Variants in IL1RAPL1 observed in about 807,000 individuals in gnomAD.
IL1RAPL1 encodes interleukin-1 receptor accessory protein-like 1.
IL1RAPL1 carries 3 observed loss-of-function variants against 48.4 expected under a neutral mutation model. The observed-to-expected ratio is 0.06, with a 90% CI of 0.03 to 0.16. The LOEUF is 0.16. Among genes scored for constraint, IL1RAPL1 ranks in the 10% least tolerant of loss-of-function variants. The pLI, the probability that IL1RAPL1 is intolerant of heterozygous loss-of-function variation, is 1.00. For missense variants in IL1RAPL1, 349 were observed against 530.6 expected (o/e 0.66, Z 3.36); for synonymous variants, 185 against 187.7 (o/e 0.99, Z 0.12).
At chrX:28,859,493 C>T (rs1601934458) in intron 2 of IL1RAPL1, among the ~76,000 whole-genome samples, 2 of 111,054 alleles carry the variant, frequency 1.8e-5, no homozygotes, top group Admixed American at 9.7e-5. Flanking sequence ...CTCTTGACCT[C>T]GTGATCTGCC....
At chrX:29,054,899 A>G (rs1450772414) in intron 2 of IL1RAPL1, among the ~76,000 whole-genome samples, 1 of 112,210 alleles carries the variant, frequency 8.9e-6, no homozygotes, top group Non-Finnish European at 1.9e-5. Context: ...CACAATACTT[A>G]ATAGGACATT....
intron 5 of IL1RAPL1, among the ~76,000 whole-genome samples, chrX:29,508,116 A>C (rs1935355345): frequency 8.9e-6 from 1 of 111,806 alleles, no homozygotes; most frequent in Non-Finnish European, 1.9e-5. Flanking sequence ...TTAATACTTA[A>C]AAACATTATC....
chrX:28,952,083 C>T (rs767800176), intron 2 of IL1RAPL1, among the ~76,000 whole-genome samples: 3 of 110,537 alleles, frequency 2.7e-5, no homozygotes, highest in South Asian at 7.6e-4. Flanking sequence ...AAATAGGTAC[C>T]GTAGAGAATT....
At chrX:29,186,181 G>T (rs903874189) in intron 2 of IL1RAPL1, among the ~76,000 whole-genome samples, 2 of 111,851 alleles carry the variant, frequency 1.8e-5, no homozygotes, top group African/African-American at 6.5e-5. Context: ...CTATAAAAAT[G>T]AATGATGATC....
intron 1 of IL1RAPL1, among the ~76,000 whole-genome samples, chrX:28,785,501 A>G (rs1193069350): frequency 9.0e-6 from 1 of 111,490 alleles, no homozygotes; most frequent in Admixed American, 9.5e-5. Context: ...TGCTTATTTT[A>G]CCCAGTATTT....
intron 6 of IL1RAPL1, among the ~76,000 whole-genome samples, chrX:29,689,075 G>C (rs1926709345): frequency 1.8e-5 from 2 of 111,616 alleles, no homozygotes; most frequent in Non-Finnish European, 3.8e-5. Context: ...TTTGTCAAGA[G>C]TTGATTCACC....
intron 1 of IL1RAPL1, among the ~76,000 whole-genome samples, chrX:28,704,850 CTG>C (rs1210521980): frequency 1.9e-4 from 10 of 53,530 alleles, no homozygotes; most frequent in Non-Finnish European, 2.2e-4. Context: ...AAAAAAAAAA[CTG>C]TGACTGGAGC....
chrX:29,802,783 GTGTGTGTGTATA>G lies in IL1RAPL1; in HGVS notation c.779-114679_779-114668del, dbSNP rs796286499. Among the ~76,000 whole-genome samples the G allele has an allele frequency of 2.1e-3, 40 of 19,280 alleles. 1 individual carries two copies. The highest frequency in any genetic ancestry group is 3.1e-3 in the East Asian group (1 of 319). 16.7% of individuals were successfully genotyped at this position (19,280 alleles called of 115,157 possible). ...TATATATATATATATATATATATAT[GTGTGTGTGTATA>G]TATATATATATATATGTGTGTATAT... On this transcript the variant is annotated intron_variant, in intron 6 of 10. Transcript: ENST00000378993.
At chrX:28,941,762 G>T (rs914452102) in intron 2 of IL1RAPL1, among the ~76,000 whole-genome samples, 1 of 110,839 alleles carries the variant, frequency 9.0e-6, no homozygotes. Context: ...ATAGATGTCC[G>T]TTTTATCTCT....
In IL1RAPL1 at chrX:28,988,139, CT is replaced by C. The variant is rs66658449; in HGVS notation, c.82+198723del. Among the ~76,000 whole-genome samples, 393 of 108,124 alleles carry C rather than the reference CT, an allele frequency of 3.6e-3. 3 individuals carry two copies. Among genetic ancestry groups the C allele is most frequent in the African/African-American group, 0.012 (359 of 29,708 alleles). The allele number at this position is 108,124 out of a possible 115,157, so 93.9% of individuals were successfully genotyped here. ...TACACTCTCCTTGTCAATGGGCTTG[CT>C]TTTTTTTTAACTACGAATGGAGTGA... is the stretch of plus-strand genomic sequence containing the variant. On this transcript the variant is annotated intron_variant, in intron 2 of 10. Transcript: ENST00000378993.
chrX:28,747,680 A>G (rs1935995809), intron 1 of IL1RAPL1, among the ~76,000 whole-genome samples: 2 of 112,102 alleles, frequency 1.8e-5, no homozygotes, highest in Admixed American at 1.9e-4. Flanking sequence ...TGTATTCTAT[A>G]TATAATATTC....
chrX:28,777,761 C>T (rs1422828329), intron 1 of IL1RAPL1, among the ~76,000 whole-genome samples: 3 of 110,298 alleles, frequency 2.7e-5, no homozygotes, highest in African/African-American at 9.9e-5. Flanking sequence ...CAGCCATGCC[C>T]CAGATTATTT....
At chrX:29,383,896 G>A (rs1249537124) in intron 3 of IL1RAPL1, among the ~76,000 whole-genome samples, 1 of 111,629 alleles carries the variant, frequency 9.0e-6, no homozygotes, top group East Asian at 2.8e-4. Flanking sequence ...CCTGTTTTTG[G>A]CTTTAGATAC....
At chrX:29,472,134 T>C (rs1485191605) in intron 5 of IL1RAPL1, among the ~76,000 whole-genome samples, 3 of 111,999 alleles carry the variant, frequency 2.7e-5, no homozygotes, top group South Asian at 3.7e-4. Flanking sequence ...TCACCAGTGA[T>C]GGCTATACAA....
chrX:29,240,606 T>C (rs1931406579), intron 2 of IL1RAPL1, among the ~76,000 whole-genome samples: 1 of 111,300 alleles, frequency 9.0e-6, no homozygotes, highest in Non-Finnish European at 1.9e-5. Context: ...GACATCTTAA[T>C]TTTCAACTTT....
chrX:29,707,244 C>A (rs1410395404), intron 6 of IL1RAPL1, among the ~76,000 whole-genome samples: 1 of 111,209 alleles, frequency 9.0e-6, no homozygotes, highest in Non-Finnish European at 1.9e-5. Flanking sequence ...GCAGTACCAT[C>A]TCACTCCTGC....
intron 2 of IL1RAPL1, among the ~76,000 whole-genome samples, chrX:29,087,000 A>G (rs1927965681): frequency 9.0e-6 from 1 of 111,630 alleles, no homozygotes; most frequent in African/African-American, 3.3e-5. Context: ...TTATAGAGAA[A>G]GTTCCAGAAT....
At chrX:28,755,004 T>A (rs1243574131) in intron 1 of IL1RAPL1, among the ~76,000 whole-genome samples, 1 of 112,221 alleles carries the variant, frequency 8.9e-6, no homozygotes, top group Admixed American at 9.4e-5. Flanking sequence ...TTGTTTTGTT[T>A]TTTTTTGAGA....
At chrX:29,524,378 C>T (rs1038730876) in intron 5 of IL1RAPL1, among the ~76,000 whole-genome samples, 7 of 110,885 alleles carry the variant, frequency 6.3e-5, no homozygotes, top group Admixed American at 9.6e-5. Context: ...GAGACATATA[C>T]ATTATGGATT....
Sources: allele counts gnomAD v4.1 joint callset (sites outside exome capture counted in the v4.1 genomes callset), GRCh38; gene constraint gnomAD v4.1.1; transcripts MANE v1.5; gene names NCBI Gene and HGNC (gene_info 2026-07-23, HGNC 2026-07-21).